Variants in DGKB observed in about 807,000 individuals in gnomAD.
The protein encoded by DGKB is diacylglycerol kinase beta.
In DGKB, 67 loss-of-function variants were observed where a neutral mutation model predicts 114.3. The observed-to-expected ratio is 0.59, with a 90% CI of 0.48 to 0.72. The LOEUF is 0.72. DGKB is among the 30% of genes least tolerant of loss of function. The probability of loss-of-function intolerance (pLI) is 0.00; values close to 1 mark genes in which losing one functional copy is unlikely to be tolerated. For missense variants in DGKB, 907 were observed against 975.2 expected, an observed-to-expected ratio of 0.93 and a Z score of 0.93; for synonymous variants, 398 against 323.1, an observed-to-expected ratio of 1.23 and a Z score of -2.49.
chr7:14,538,725 C>T (rs1258611752), intron 20 of DGKB, among the ~76,000 whole-genome samples: 1 of 152,156 alleles, frequency 6.6e-6, no homozygotes, highest in African/African-American at 2.4e-5. Context: ...GACATGAAAA[C>T]AACCCAAATC....
chr7:14,321,093 C>G (rs1346900592), intron 23 of DGKB, among the ~76,000 whole-genome samples: 1 of 152,008 alleles, frequency 6.6e-6, no homozygotes, highest in South Asian at 2.1e-4. Context: ...GAGTTTGAGA[C>G]CATTCTGGAA....
intron 1 of DGKB, among the ~76,000 whole-genome samples, chr7:14,884,910 G>A (rs1430077634): frequency 6.6e-6 from 1 of 151,856 alleles, no homozygotes; most frequent in East Asian, 1.9e-4. Flanking sequence ...TTTCTCCTAA[G>A]CCTGCTTTCC....
intron 2 of DGKB, among the ~76,000 whole-genome samples, chr7:14,786,195 T>A (rs1273829714): frequency 6.6e-6 from 1 of 152,052 alleles, no homozygotes; most frequent in Non-Finnish European, 1.5e-5. Flanking sequence ...TATTCTAGTA[T>A]GTAGTGGCTA....
intron 6 of DGKB, among the ~76,000 whole-genome samples, chr7:14,709,810 C>A: frequency 9.6e-6 from 1 of 104,086 alleles, no homozygotes; most frequent in Admixed American, 1.4e-4. Context: ...ACTCTGGGGA[C>A]TGTGGTGGGG....
intron 4 of DGKB, among the ~76,000 whole-genome samples, chr7:14,751,962 T>A (rs1834186537): frequency 6.6e-6 from 1 of 152,210 alleles, no homozygotes; most frequent in Admixed American, 6.5e-5. Flanking sequence ...ACCTTTTATG[T>A]GCAAGACACA....
intron 13 of DGKB, among the ~76,000 whole-genome samples, chr7:14,666,542 T>C (rs1053054416): frequency 6.6e-6 from 1 of 152,024 alleles, no homozygotes; most frequent in Non-Finnish European, 1.5e-5. Flanking sequence ...CATTTTTTAA[T>C]AGATTCTATT....
At chr7:14,824,950 T>C (rs986755280) in intron 2 of DGKB, among the ~76,000 whole-genome samples, 1 of 148,196 alleles carries the variant, frequency 6.7e-6, no homozygotes, top group Admixed American at 6.8e-5. Flanking sequence ...AACAAACTAA[T>C]ATGTACCTAA....
chr7:14,684,983 G>A (rs527348941), intron 10 of DGKB, among the ~76,000 whole-genome samples: 1 of 152,048 alleles, frequency 6.6e-6, no homozygotes, highest in East Asian at 1.9e-4. Context: ...TGGGAAACAT[G>A]AATAAATTAA....
intron 23 of DGKB, among the ~76,000 whole-genome samples, chr7:14,246,346 G>A (rs1232017904): frequency 2.0e-5 from 3 of 152,108 alleles, no homozygotes; most frequent in African/African-American, 7.2e-5. Flanking sequence ...CAAAGGGACT[G>A]AGGAATAGAA....
At chr7:14,766,990 AT>A (rs1836550943) in intron 2 of DGKB, among the ~76,000 whole-genome samples, 1 of 151,720 alleles carries the variant, frequency 6.6e-6, no homozygotes, top group Admixed American at 6.6e-5. Flanking sequence ...GAAAAAAAAA[AT>A]AAACCCAGAG....
Position 14,819,124 on chromosome 7 carries a change from A to G in DGKB, c.70+22070T>C, listed in dbSNP as rs975251013. 9.9e-5 allele frequency among the ~76,000 whole-genome samples: 15 copies of G among 152,082 alleles called. No individual in the cohort carries two copies. In the East Asian group the frequency reaches 1.4e-3, roughly 14 times the overall value. On this transcript the variant is annotated intron_variant, in intron 2 of 25. Coordinates refer to ENST00000402815, the MANE Select transcript of DGKB (RefSeq NM_001350709.2). ...GATGCCAATGATTCATTCTCTTTTCATATTCTATTTATTTTTTCCACTCTC... is the reference window on the plus strand; with the variant it reads ...GATGCCAATGATTCATTCTCTTTTCGTATTCTATTTATTTTTTCCACTCTC...
At chr7:14,501,041 T>G (rs1786089304) in intron 20 of DGKB, among the ~76,000 whole-genome samples, 1 of 151,816 alleles carries the variant, frequency 6.6e-6, no homozygotes, top group African/African-American at 2.4e-5. Flanking sequence ...CTTGATGAGT[T>G]TGAGGATAAA....
chr7:14,860,954 A>T (rs1850893631), intron 1 of DGKB, among the ~76,000 whole-genome samples: 1 of 152,022 alleles, frequency 6.6e-6, no homozygotes, highest in South Asian at 2.1e-4. Flanking sequence ...TATGTCCTTC[A>T]TAAACACTGC....
chr7:14,947,486 C>T (rs1314008766), intron 1 of DGKB, among the ~76,000 whole-genome samples: 1 of 137,578 alleles, frequency 7.3e-6, no homozygotes, highest in African/African-American at 2.8e-5. Context: ...TTAACTGAAG[C>T]ATTTATGTTA....
chr7:14,432,982 T>A (rs938657358), intron 21 of DGKB, among the ~76,000 whole-genome samples: 1 of 152,124 alleles, frequency 6.6e-6, no homozygotes, highest in African/African-American at 2.4e-5. Flanking sequence ...ACACACATGG[T>A]AAGAGCATGG....
chr7:14,900,658 A>G (rs1428437912), intron 1 of DGKB, among the ~76,000 whole-genome samples: 1 of 152,184 alleles, frequency 6.6e-6, no homozygotes, highest in Admixed American at 6.5e-5. Context: ...ATGGTTTTAA[A>G]TTGTTAAAAC....
intron 1 of DGKB, among the ~76,000 whole-genome samples, chr7:14,937,102 C>T (rs1341509807): frequency 6.7e-6 from 1 of 148,768 alleles, no homozygotes. Flanking sequence ...AATTTTGCTA[C>T]ATTTTTTTCA....
chr7:14,332,056 A>T (rs990757774), intron 23 of DGKB, among the ~76,000 whole-genome samples: 4 of 152,176 alleles, frequency 2.6e-5, no homozygotes, highest in Admixed American at 2.6e-4. Flanking sequence ...GTTTACAGTA[A>T]AGTATTTCCA....
intron 5 of DGKB, among the ~76,000 whole-genome samples, chr7:14,722,393 C>T (rs971098090): frequency 1.3e-5 from 2 of 152,148 alleles, no homozygotes; most frequent in Non-Finnish European, 2.9e-5. Context: ...TATGCATTTA[C>T]ATTTCCTCCA....
Sources: allele counts gnomAD v4.1 joint callset (sites outside exome capture counted in the v4.1 genomes callset), GRCh38; gene constraint gnomAD v4.1.1; transcripts MANE v1.5; gene names NCBI Gene and HGNC (gene_info 2026-07-23, HGNC 2026-07-21).